Variants in NKAIN2 observed in about 807,000 individuals in gnomAD.
NKAIN2 encodes sodium/potassium transporting ATPase interacting 2.
A neutral mutation model predicts 32.6 loss-of-function variants in NKAIN2; 14 were observed. That is an observed-to-expected ratio of 0.43 (90% CI 0.28 to 0.67). NKAIN2 has a LOEUF of 0.67. Ranked by LOEUF, NKAIN2 falls within the 30% of genes least tolerant of loss-of-function variation. NKAIN2 has a pLI of 0.17. For synonymous variants in NKAIN2, 80 were observed against 87.2 expected, an observed-to-expected ratio of 0.92 and a Z score of 0.46; for missense variants, 198 against 258.3, an observed-to-expected ratio of 0.77 and a Z score of 1.60.
chr6:124,231,686 A>G (rs1792468997), intron 1 of NKAIN2, among the ~76,000 whole-genome samples: 1 of 152,074 alleles, frequency 6.6e-6, no homozygotes, highest in South Asian at 2.1e-4. Flanking sequence ...ATAAGACTTG[A>G]CTTTACTCCA....
At chr6:124,772,357 C>T (rs1294268894) in intron 4 of NKAIN2, among the ~76,000 whole-genome samples, 1 of 152,040 alleles carries the variant, frequency 6.6e-6, no homozygotes, top group Non-Finnish European at 1.5e-5. Context: ...TGACAGAGAG[C>T]AAGAGACGAG....
intron 3 of NKAIN2, among the ~76,000 whole-genome samples, chr6:124,580,804 G>C (rs893980936): frequency 1.3e-5 from 2 of 151,912 alleles, no homozygotes; most frequent in Non-Finnish European, 2.9e-5. Context: ...TGAAAATAAA[G>C]GGATGGAAAA....
chr6:124,631,683 G>T (rs1241739253), intron 3 of NKAIN2, among the ~76,000 whole-genome samples: 1 of 152,024 alleles, frequency 6.6e-6, no homozygotes, highest in African/African-American at 2.4e-5. Context: ...TGACTCTTTG[G>T]CAAACTCCCA....
chr6:124,723,189 G>A (rs762144505), intron 4 of NKAIN2, among the ~76,000 whole-genome samples: 6 of 152,178 alleles, frequency 3.9e-5, no homozygotes, highest in Non-Finnish European at 7.3e-5. Flanking sequence ...CACTTTGCAT[G>A]TGAATACATA....
chr6:124,090,310 A>G (rs868759426), intron 1 of NKAIN2, among the ~76,000 whole-genome samples: 1 of 152,062 alleles, frequency 6.6e-6, no homozygotes, highest in Non-Finnish European at 1.5e-5. Flanking sequence ...AAGTCAGATT[A>G]TCTCCAATAT....
chr6:124,512,430 A>G (rs1207917453), intron 3 of NKAIN2, among the ~76,000 whole-genome samples: 1 of 152,230 alleles, frequency 6.6e-6, no homozygotes, highest in Non-Finnish European at 1.5e-5. Flanking sequence ...AAAAAGACCC[A>G]TATACATTTA....
chr6:124,369,799 C>G (rs1364360160), intron 3 of NKAIN2, among the ~76,000 whole-genome samples: 2 of 151,110 alleles, frequency 1.3e-5, no homozygotes, highest in East Asian at 3.9e-4. Context: ...AAACTACTAC[C>G]CAGACATGAT....
intron 3 of NKAIN2, among the ~76,000 whole-genome samples, chr6:124,416,897 T>C (rs758525916): frequency 7.2e-5 from 11 of 152,072 alleles, no homozygotes; most frequent in Non-Finnish European, 1.3e-4. Flanking sequence ...GATTTCAGCA[T>C]AGGGCAAGTG....
At chr6:123,960,600 A>T (rs1777800247) in intron 1 of NKAIN2, among the ~76,000 whole-genome samples, 1 of 151,714 alleles carries the variant, frequency 6.6e-6, no homozygotes, top group Non-Finnish European at 1.5e-5. Context: ...CCTTTTCAAT[A>T]GCTCTTCACC....
chr6:124,576,942 G>T (rs976142326), intron 3 of NKAIN2, among the ~76,000 whole-genome samples: 1 of 152,116 alleles, frequency 6.6e-6, no homozygotes, highest in Non-Finnish European at 1.5e-5. Context: ...GACACCAAAA[G>T]CACAATCCGT....
At chr6:124,744,265 C>T (rs1226499974) in intron 4 of NKAIN2, among the ~76,000 whole-genome samples, 2 of 151,754 alleles carry the variant, frequency 1.3e-5, no homozygotes, top group African/African-American at 2.4e-5. Context: ...ACTGGAGAAA[C>T]GTGGACAATA....
chr6:124,270,184 A>T (rs1794693048), intron 1 of NKAIN2, among the ~76,000 whole-genome samples: 1 of 152,196 alleles, frequency 6.6e-6, no homozygotes, highest in South Asian at 2.1e-4. Context: ...GACAGGAAAC[A>T]GCTGATGATG....
At chr6:124,102,850 G>T (rs1784956018) in intron 1 of NKAIN2, among the ~76,000 whole-genome samples, 1 of 152,102 alleles carries the variant, frequency 6.6e-6, no homozygotes, top group Non-Finnish European at 1.5e-5. Flanking sequence ...ACACTTGTAA[G>T]GGGGGCAATC....
intron 4 of NKAIN2, among the ~76,000 whole-genome samples, chr6:124,728,892 C>T (rs1378069956): frequency 2.0e-3 from 298 of 151,402 alleles, no homozygotes; most frequent in Non-Finnish European, 1.7e-3. Flanking sequence ...ACCGATCCCA[C>T]AGAAATACAA....
At chr6:123,940,872 T>C (rs1776785108) in intron 1 of NKAIN2, among the ~76,000 whole-genome samples, 1 of 152,000 alleles carries the variant, frequency 6.6e-6, no homozygotes, top group Admixed American at 6.6e-5. Context: ...CAATAATAAA[T>C]TAACCTTAGC....
intron 3 of NKAIN2, among the ~76,000 whole-genome samples, chr6:124,428,426 G>T (rs955668215): frequency 5.3e-5 from 8 of 152,116 alleles, no homozygotes; most frequent in Non-Finnish European, 1.0e-4. Flanking sequence ...AGTATACTTG[G>T]TTTTTTATTT....
chr6:124,163,481 T>G (rs1788379071), intron 1 of NKAIN2, among the ~76,000 whole-genome samples: 1 of 151,870 alleles, frequency 6.6e-6, no homozygotes, highest in South Asian at 2.1e-4. Flanking sequence ...CTCCTAGTCT[T>G]GAGTTCTCTA....
chr6:124,415,113 C>A (rs1774402006), intron 3 of NKAIN2, among the ~76,000 whole-genome samples: 1 of 152,200 alleles, frequency 6.6e-6, no homozygotes, highest in Non-Finnish European at 1.5e-5. Context: ...AGCTGGGTAT[C>A]ATTTAATTTA....
chr6:124,771,642 C>T (rs551633594), intron 4 of NKAIN2, among the ~76,000 whole-genome samples: 6 of 152,266 alleles, frequency 3.9e-5, no homozygotes, highest in African/African-American at 1.4e-4. Flanking sequence ...AGTGTATTAA[C>T]AGAGATTAAA....
Sources: gnomAD v4.1 joint callset for allele counts (sites outside exome capture counted in the v4.1 genomes callset) on GRCh38, gnomAD v4.1.1 for gene constraint, MANE v1.5 for transcripts, NCBI Gene and HGNC (gene_info 2026-07-23, HGNC 2026-07-21) for gene names.